CNTN2: variants seen among roughly 807,000 people sequenced by gnomAD.
The protein encoded by CNTN2 is contactin 2.
CNTN2 carries 53 observed loss-of-function variants against 117.5 expected under a neutral mutation model. The observed-to-expected ratio is 0.45, with a 90% CI of 0.36 to 0.57. The LOEUF is 0.57. Ranked by LOEUF, CNTN2 falls within the 20% of genes least tolerant of loss-of-function variation. CNTN2 has a pLI of 0.00. For synonymous variants in CNTN2, 530 were observed against 561.7 expected, an observed-to-expected ratio of 0.94 and a Z score of 0.80; for missense variants, 1,106 against 1,404.3, an observed-to-expected ratio of 0.79 and a Z score of 3.39.
chr1:205,064,883 A>T, intron 12 of CNTN2, 133 bp downstream of exon 12: 2 of 1,385,604 alleles, frequency 1.4e-6, no homozygotes, highest in Non-Finnish European at 9.9e-7. Flanking sequence ...TTTGCTTGGG[A>T]CCACCCCCTG....
chr1:205,062,498 C>G lies in CNTN2; in HGVS notation c.1169C>G (p.Ser390Trp). The G allele has an allele frequency of 6.2e-7, 1 of 1,614,022 alleles. No homozygotes were observed. The highest frequency in any genetic ancestry group is 8.5e-7 in the Non-Finnish European group (1 of 1,179,982). ...LRFSKLSLED[S>W]GMYQCVAENK... The stretch of plus-strand genomic sequence containing the variant: ...TTCTCCAAGCTGAGCCTGGAAGACT[C>G]GGGCATGTACCAGTGTGTGGCAGAG... Residue 390 changes from serine to tryptophan, a missense_variant, in exon 10 of 23, where the codon TCG becomes TGG. By Grantham distance (177) the Ser-to-Trp change is radical. Coordinates refer to ENST00000331830, the MANE Select transcript of CNTN2 (RefSeq NM_005076.5).
chr1:205,043,828 T>C, intron 1 of CNTN2, among the ~76,000 whole-genome samples: 1 of 151,846 alleles, frequency 6.6e-6, no homozygotes, highest in Non-Finnish European at 1.5e-5. Context: ...TGAGCCGGAG[T>C]CCCCAGTTTT....
intron 10 of CNTN2, among the ~76,000 whole-genome samples, 190 bp from the exon 11 acceptor site, chr1:205,064,132 G>A (rs1417846502): frequency 6.7e-6 from 1 of 149,106 alleles, no homozygotes; most frequent in Non-Finnish European, 1.5e-5. Flanking sequence ...GCGGAGGGGG[G>A]GCGCGTTGTC....
Position 205,058,288 on chromosome 1 carries a change from T to A in CNTN2, c.323T>A (p.Val108Asp). ...CCCACCAAGGCACAGGATGCCGGGG[T>A]CTACCAGTGCCTGGCCTCCAACCCA... is the stretch of plus-strand genomic sequence containing the variant. The part of the protein sequence containing the change: ...MNPTKAQDAG[V>D]YQCLASNPVG... Residue 108 changes from valine (V) to aspartate (D), a missense_variant, in exon 4 of 23, where the codon GTC (valine) becomes GAC (aspartate). Coordinates refer to ENST00000331830, the MANE Select transcript of CNTN2 (RefSeq NM_005076.5). This position sits in a 1 kb window ranked among gnomAD's most constrained non-coding sequence, Gnocchi z 4.3. 1 of 1,531,324 alleles carries A rather than the reference T, an allele frequency of 6.5e-7. No homozygotes were observed. Among genetic ancestry groups the A allele is most frequent in the Non-Finnish European group, 8.8e-7 (1 of 1,138,742 alleles). 94.9% of individuals were successfully genotyped at this position (1,531,324 alleles called of 1,614,324 possible). A position where few individuals can be genotyped will look rare whatever the true frequency, so the allele number is the denominator to read the frequency against.
At position 205,069,809 on chromosome 1, in the gene CNTN2, C is replaced by T; in HGVS notation, c.2197-18C>T. The stretch of plus-strand genomic sequence containing the variant: ...ACATGCCGCGGACCCTCGCCCATGC[C>T]ATGCTCTTGCCCCTCAGCCCATGTC... On this transcript the variant is annotated intron_variant, in intron 17 of 22. Coordinates refer to ENST00000331830, the MANE Select transcript of CNTN2 (RefSeq NM_005076.5). 1.2e-6 allele frequency: 2 copies of T among 1,608,228 alleles called. No individual in the cohort carries two copies. The highest frequency in any genetic ancestry group is 1.7e-6 in the Non-Finnish European group (2 of 1,175,284).
intron 1 of CNTN2, among the ~76,000 whole-genome samples, chr1:205,045,881 C>T (rs768065745): frequency 3.9e-5 from 6 of 152,194 alleles, no homozygotes; most frequent in Non-Finnish European, 7.3e-5. Context: ...GTTAGAGAGT[C>T]CTGCCTAGAG....
At chr1:205,062,367 C>A (rs962876679) in intron 9 of CNTN2, 73 bp from the exon 10 acceptor site, 1 of 1,540,966 alleles carries the variant, frequency 6.5e-7, no homozygotes, top group Non-Finnish European at 8.7e-7. Context: ...CCACTGCTCC[C>A]ACCCCTGCCA....
rs1417523683 is a variant in CNTN2, at chr1:205,077,626, T to G, written c.*3861T>G. The G allele has an allele frequency of 1.3e-5, 2 of 152,244 alleles. No homozygotes were observed. Among genetic ancestry groups the G allele is most frequent in the Non-Finnish European group, 2.9e-5 (2 of 68,062 alleles). The allele number at this position is 152,244 out of a possible 1,614,324, so 9.4% of individuals were successfully genotyped here. A position where few individuals can be genotyped will look rare whatever the true frequency, so the allele number is the denominator to read the frequency against. ...TGGTAGCTGCGGAACACCCGTGGACTTGTGTATATGGTCATAGGCTTTGGG... is the reference window on the plus strand; with the variant it reads ...TGGTAGCTGCGGAACACCCGTGGACGTGTGTATATGGTCATAGGCTTTGGG... On this transcript the variant is annotated 3_prime_UTR_variant, in exon 23 of 23. Coordinates refer to ENST00000331830, the MANE Select transcript of CNTN2 (RefSeq NM_005076.5).
rs1654858525 is a variant in CNTN2 at position 205,076,250 on chromosome 1, A to G, written c.*2485A>G. The G allele has an allele frequency of 6.6e-6, 1 of 152,200 alleles. No homozygotes were observed. The highest frequency in any genetic ancestry group is 1.5e-5 in the Non-Finnish European group (1 of 68,036). 9.4% of individuals were successfully genotyped at this position (152,200 alleles called of 1,614,324 possible). On this transcript the variant is annotated 3_prime_UTR_variant, in exon 23 of 23. Coordinates refer to ENST00000331830, the MANE Select transcript of CNTN2 (RefSeq NM_005076.5). ...GAGGGATAGAACGACAACAAAATAA[A>G]TGTTCCTGCAGCCTGAGATTTCAGG... is the stretch of plus-strand genomic sequence containing the variant.
chr1:205,066,193 C>T, intron 14 of CNTN2: 2 of 607,030 alleles, frequency 3.3e-6, no homozygotes, highest in Middle Eastern at 8.8e-4. Flanking sequence ...GCTGGGAGAT[C>T]TATGCACCTC....
chr1:205,067,117 G>A lies in CNTN2; in HGVS notation c.1992G>A (p.Glu664=). The stretch of plus-strand genomic sequence containing the variant: ...GCCTTGCAGATCCTGCAAACATCGA[G>A]GGCAATGCCGAGACTGCACAGGTGC... The part of the protein sequence containing the change: ...KQVRTNPANI[E]GNAETAQVLG... Residue 664 remains glutamate, a synonymous_variant, in exon 16 of 23, where the codon GAG becomes GAA. Coordinates refer to ENST00000331830, the MANE Select transcript of CNTN2 (RefSeq NM_005076.5). The A allele has an allele frequency of 3.1e-6, 5 of 1,611,716 alleles. No homozygotes were observed. The highest frequency in any genetic ancestry group is 4.2e-6 in the Non-Finnish European group (5 of 1,179,062).
Position 205,061,771 on chromosome 1 carries a change from G to T in CNTN2, c.974-94G>T, listed in dbSNP as rs1653994857. 6.9e-7 allele frequency: 1 copy of T among 1,442,200 alleles called. No homozygotes were observed. Among genetic ancestry groups the T allele is most frequent in the African/African-American group, 1.4e-5 (1 of 69,234 alleles). 89.3% of individuals were successfully genotyped at this position (1,442,200 alleles called of 1,614,324 possible). A position where few individuals can be genotyped will look rare whatever the true frequency, so the allele number is the denominator to read the frequency against. ...ATGCTCATGGCGCCCTCTGCTGTCT[G>T]GCACAGGTGCTGCTGCCCTGATTTT... is the stretch of plus-strand genomic sequence containing the variant. On this transcript the variant is annotated intron_variant, in intron 8 of 22. Coordinates refer to ENST00000331830, the MANE Select transcript of CNTN2 (RefSeq NM_005076.5). The surrounding 1 kb of genome is among the most constrained non-coding windows in gnomAD (Gnocchi z 4.8).
At chr1:205,056,610 C>A (rs1653638162) in intron 2 of CNTN2, among the ~76,000 whole-genome samples, 1 of 152,178 alleles carries the variant, frequency 6.6e-6, no homozygotes, top group Admixed American at 6.5e-5. Flanking sequence ...GGGAAAGGAA[C>A]TAATTAGTTA....
In CNTN2 at chr1:205,074,197, T is replaced by C. The variant is rs559116886; in HGVS notation, c.*432T>C. On this transcript the variant is annotated 3_prime_UTR_variant, in exon 23 of 23. Coordinates refer to ENST00000331830, the MANE Select transcript of CNTN2 (RefSeq NM_005076.5). ...AACAGGTTGAAGAACTGGAGCGAAG[T>C]GCACACCTCACCATCCTTCAGTCTA... 4.6e-6 allele frequency: 2 copies of C among 439,062 alleles called. No homozygotes were observed. Among genetic ancestry groups the C allele is most frequent in the South Asian group, 1.6e-4 (2 of 12,458 alleles). The allele number at this position is 439,062 out of a possible 1,614,324, so 27.2% of individuals were successfully genotyped here.
chr1:205,052,294 T>C (rs1023697431), intron 1 of CNTN2, among the ~76,000 whole-genome samples: 11 of 152,116 alleles, frequency 7.2e-5, no homozygotes, highest in Non-Finnish European at 1.0e-4. Context: ...GGAGGCTGGC[T>C]CTGCCCCCGC....
At position 205,073,639 on chromosome 1, in the gene CNTN2, G is replaced by A. The variant is rs1384827954; in HGVS notation, c.3014-17G>A. 1.9e-6 allele frequency: 3 copies of A among 1,611,296 alleles called. No homozygotes were observed. Among genetic ancestry groups the A allele is most frequent in the Admixed American group, 3.3e-5 (2 of 60,008 alleles). ...GGTAGTCCCAGGCCCAGCTGACTCA[G>A]CTTGTGCTGGTTTCAGGCACAAGCA... On this transcript the variant is annotated splice_polypyrimidine_tract_variant and intron_variant, in intron 22 of 22. Coordinates refer to ENST00000331830, the MANE Select transcript of CNTN2 (RefSeq NM_005076.5). This position sits in a 1 kb window ranked among gnomAD's most constrained non-coding sequence, Gnocchi z 6.3.
chr1:205,058,404 G>T lies in CNTN2; in HGVS notation c.391+48G>T. The stretch of plus-strand genomic sequence containing the variant: ...ACACTTTGGGGGAGGGGGAGAGGGG[G>T]CTAGGAGAAATTACTGAGAAAGGAT... On this transcript the variant is annotated intron_variant, in intron 4 of 22. Coordinates refer to ENST00000331830, the MANE Select transcript of CNTN2 (RefSeq NM_005076.5). The surrounding 1 kb of genome is among the most constrained non-coding windows in gnomAD (Gnocchi z 4.3). 6.5e-7 allele frequency: 1 copy of T among 1,534,264 alleles called. No homozygotes were observed. Among genetic ancestry groups the T allele is most frequent in the Non-Finnish European group, 8.8e-7 (1 of 1,136,580 alleles).
intron 12 of CNTN2, 100 bp downstream of exon 12, chr1:205,064,850 T>C: frequency 6.6e-7 from 1 of 1,518,796 alleles, no homozygotes; most frequent in Non-Finnish European, 8.9e-7. Context: ...TAGTTTGGTG[T>C]CAAGGCCACC....
At chr1:205,053,937 A>G (rs1480529156) in intron 2 of CNTN2, among the ~76,000 whole-genome samples, 1 of 152,168 alleles carries the variant, frequency 6.6e-6, no homozygotes, top group Non-Finnish European at 1.5e-5. Flanking sequence ...GAGGAGAGGC[A>G]GAGGAAGGCT....
Sources: allele counts gnomAD v4.1 joint callset (sites outside exome capture counted in the v4.1 genomes callset), GRCh38; gene constraint gnomAD v4.1.1; non-coding constraint Gnocchi (gnomAD v3.1); transcripts MANE v1.5; gene names NCBI Gene and HGNC (gene_info 2026-07-23, HGNC 2026-07-21).